The following PTPRU variants were observed in gnomAD, a reference collection of about 807,000 sequenced individuals.
The protein encoded by PTPRU is protein tyrosine phosphatase receptor type U, also known as receptor-type tyrosine-protein phosphatase U.
A neutral mutation model predicts 166.3 loss-of-function variants in PTPRU; 69 were observed. The ratio of observed to expected loss-of-function variants is 0.41; its 90% CI spans 0.34 to 0.51. PTPRU has a LOEUF of 0.51. Among genes scored for constraint, PTPRU ranks in the 20% least tolerant of loss-of-function variants. The probability of loss-of-function intolerance (pLI) is 0.09; values close to 1 mark genes in which losing one functional copy is unlikely to be tolerated. For synonymous variants in PTPRU, 793 were observed against 814.0 expected, an observed-to-expected ratio of 0.97 and a Z score of 0.44; for missense variants, 1,657 against 2,013.7, an observed-to-expected ratio of 0.82 and a Z score of 3.39.
intron 8 of PTPRU, 42 bp downstream of exon 8, chr1:29,275,798 C>T: frequency 6.3e-7 from 1 of 1,588,444 alleles, no homozygotes; most frequent in Non-Finnish European, 8.6e-7. Flanking sequence ...TGTGTACCTC[C>T]CACAGATACG....
intron 7 of PTPRU, among the ~76,000 whole-genome samples, chr1:29,274,175 C>T (rs1685694916): frequency 6.6e-6 from 1 of 152,088 alleles, no homozygotes; most frequent in African/African-American, 2.4e-5. Context: ...GGACCACAGG[C>T]TTGCGCCACC....
At position 29,325,222 on chromosome 1, in the gene PTPRU, G is replaced by A. The variant is rs1207667534; in HGVS notation, c.4144G>A (p.Ala1382Thr). The A allele has an allele frequency of 3.7e-6, 6 of 1,614,162 alleles. No homozygotes were observed. The highest frequency in any genetic ancestry group is 1.3e-5 in the African/African-American group (1 of 75,008). ...NGGGRSGTFC[A>T]CATVLEMIRC... ...GGGAGGACGCAGCGGCACCTTCTGC[G>A]CCTGCGCCACGGTCCTGGAGATGAT... Residue 1382 changes from alanine (A) to threonine (T), a missense_variant, in exon 29 of 30, where the codon GCC becomes ACC. Ala to Thr is a moderately conservative substitution (Grantham distance 58, BLOSUM62 0). Coordinates refer to ENST00000373779, the MANE Select transcript of PTPRU (RefSeq NM_133178.4).
At chr1:29,268,440 G>A (rs997389933) in intron 7 of PTPRU, among the ~76,000 whole-genome samples, 3 of 152,190 alleles carry the variant, frequency 2.0e-5, no homozygotes, top group Non-Finnish European at 4.4e-5. Flanking sequence ...AGAGGCCAGG[G>A]AAGCTGCTAA....
At chr1:29,310,843 C>A (rs1281240158) in intron 19 of PTPRU, 63 bp downstream of exon 19, 3 of 1,555,960 alleles carry the variant, frequency 1.9e-6, no homozygotes, top group African/African-American at 1.4e-5. Flanking sequence ...GGAATGCCCT[C>A]AGCTTGCCTT....
At chr1:29,272,280 C>T (rs1409472051) in intron 7 of PTPRU, among the ~76,000 whole-genome samples, 3 of 152,218 alleles carry the variant, frequency 2.0e-5, no homozygotes, top group Non-Finnish European at 4.4e-5. Context: ...GGAGCAGTGG[C>T]AGCCAGCCCC....
intron 14 of PTPRU, among the ~76,000 whole-genome samples, chr1:29,289,218 G>A (rs1686503750): frequency 6.6e-6 from 1 of 151,516 alleles, no homozygotes; most frequent in Admixed American, 6.6e-5. Context: ...GATGTCTAAT[G>A]TGTGTGTGTG....
At chr1:29,285,278 G>A (rs747068351) in intron 14 of PTPRU, among the ~76,000 whole-genome samples, 10 of 152,216 alleles carry the variant, frequency 6.6e-5, no homozygotes, top group Non-Finnish European at 1.5e-5. Context: ...GACCTGAGCA[G>A]AGGATGGAGC....
rs1269332961 is a variant in PTPRU, at chr1:29,260,104, C to T, written c.850+60C>T. On this transcript the variant is annotated intron_variant, in intron 6 of 29. Transcript: ENST00000373779. The surrounding 1 kb of genome is among the most constrained non-coding windows in gnomAD (Gnocchi z 8.3). ...CACCCTCGAGGGGCGGGGCCGGCGA[C>T]GGGGGCGGGCTCTGCCCGGGGGCGT... 8.3e-6 allele frequency: 5 copies of T among 605,610 alleles called. No homozygotes were observed. Among genetic ancestry groups the T allele is most frequent in the Middle Eastern group, 5.5e-4 (1 of 1,808 alleles). 37.5% of individuals were successfully genotyped at this position (605,610 alleles called of 1,614,324 possible). A position where few individuals can be genotyped will look rare whatever the true frequency, so the allele number is the denominator to read the frequency against.
intron 24 of PTPRU, among the ~76,000 whole-genome samples, chr1:29,316,551 GA>G (rs1687910178): frequency 6.6e-6 from 1 of 152,174 alleles, no homozygotes; most frequent in Non-Finnish European, 1.5e-5. Context: ...TTTTATAACT[GA>G]AAAGTCTGAG....
chr1:29,269,587 A>C (rs1685473276), intron 7 of PTPRU, among the ~76,000 whole-genome samples: 1 of 152,026 alleles, frequency 6.6e-6, no homozygotes, highest in Admixed American at 6.6e-5. Flanking sequence ...CTTTGTTGAC[A>C]TCATGGCCCC....
intron 16 of PTPRU, among the ~76,000 whole-genome samples, chr1:29,304,526 C>A (rs566974704): frequency 2.1e-4 from 32 of 152,290 alleles, no homozygotes; most frequent in African/African-American, 7.5e-4. Flanking sequence ...TCCAAAATGT[C>A]TTTGAACCCT....
intron 26 of PTPRU, among the ~76,000 whole-genome samples, chr1:29,322,366 C>T (rs947698757): frequency 1.3e-5 from 2 of 152,158 alleles, no homozygotes; most frequent in African/African-American, 4.8e-5. Context: ...AGTGACAGCA[C>T]AGAGGGAAAA....
chr1:29,240,924 C>T (rs893164495), intron 1 of PTPRU, among the ~76,000 whole-genome samples: 8 of 152,062 alleles, frequency 5.3e-5, no homozygotes, highest in African/African-American at 9.7e-5. Context: ...GCTTGTGCAC[C>T]GGAGGGAAGG....
intron 1 of PTPRU, among the ~76,000 whole-genome samples, chr1:29,244,293 G>A (rs559547716): frequency 3.3e-5 from 5 of 152,200 alleles, no homozygotes; most frequent in Middle Eastern, 3.4e-3. Flanking sequence ...GACCACTGGC[G>A]GATAGAAGAT....
At chr1:29,313,991 A>G (rs1398851160) in intron 22 of PTPRU, among the ~76,000 whole-genome samples, 1 of 152,178 alleles carries the variant, frequency 6.6e-6, no homozygotes, top group Non-Finnish European at 1.5e-5. Context: ...TCTAAAGCGC[A>G]GTTAGTTGCA....
At position 29,284,795 on chromosome 1, in the gene PTPRU, C is replaced by G; in HGVS notation, c.2244C>G (p.Ile748Met). 11 of 1,613,986 alleles carry G rather than the reference C, an allele frequency of 6.8e-6. No individual in the cohort carries two copies. The highest frequency in any genetic ancestry group is 9.3e-6 in the Non-Finnish European group (11 of 1,179,926). ...AGAGATCGGAGGAGATGGGGCTTAT[C>G]CTGGGCATCTGTGCAGGGGGGCTTG... ...VSQRSEEMGLILGICAGGLAV... is the reference protein window; with the variant it reads ...VSQRSEEMGLMLGICAGGLAV... Residue 748 changes from isoleucine (I) to methionine (M), a missense_variant, in exon 14 of 30, where the codon ATC becomes ATG. Physicochemically the swap from Ile to Met is conservative, Grantham distance 10. This residue lies in a region of PTPRU where 1,190 missense variants were observed against 1,477.4 expected (regional missense o/e 0.81). Transcript: ENST00000373779.
chr1:29,301,827 T>C (rs1162050503), intron 15 of PTPRU, among the ~76,000 whole-genome samples: 2 of 152,064 alleles, frequency 1.3e-5, no homozygotes, highest in African/African-American at 2.4e-5. Flanking sequence ...AGTGAGAACA[T>C]GTGATGTTTG....
At position 29,237,404 on chromosome 1, in the gene PTPRU, G is replaced by A. The variant is rs1332144676; in HGVS notation, c.73+687G>A. On this transcript the variant is annotated intron_variant, in intron 1 of 29. Coordinates refer to ENST00000373779, the MANE Select transcript of PTPRU (RefSeq NM_133178.4). This position sits in a 1 kb window ranked among gnomAD's most constrained non-coding sequence, Gnocchi z 6.4. Reference sequence around the variant, plus strand: ...GTGTGCCGGGAATGCGTGTGTGGGAGCGAGTCTGGAACGGATGTGAGTGTG... The same window carrying A: ...GTGTGCCGGGAATGCGTGTGTGGGAACGAGTCTGGAACGGATGTGAGTGTG... Among the ~76,000 whole-genome samples the A allele has an allele frequency of 6.6e-6, 1 of 152,160 alleles. No homozygotes were observed. Among genetic ancestry groups the A allele is most frequent in the African/African-American group, 2.4e-5 (1 of 41,446 alleles).
chr1:29,245,024 A>G (rs1394970623), intron 1 of PTPRU, among the ~76,000 whole-genome samples: 1 of 152,032 alleles, frequency 6.6e-6, no homozygotes, highest in Non-Finnish European at 1.5e-5. Flanking sequence ...CTGACATCCT[A>G]ACCTCTTGTT....
Sources: gnomAD v4.1 joint callset for allele counts (sites outside exome capture counted in the v4.1 genomes callset) on GRCh38, gnomAD v4.1.1 for gene constraint, gnomAD v4.1.1 regional missense constraint, Gnocchi (gnomAD v3.1) non-coding constraint, MANE v1.5 for transcripts, NCBI Gene and HGNC (gene_info 2026-07-23, HGNC 2026-07-21) for gene names.